The following SECISBP2 variants were observed in gnomAD, a reference collection of about 807,000 sequenced individuals.
The protein encoded by SECISBP2 is selenocysteine insertion sequence-binding protein 2.
Under a neutral mutation model 98.2 loss-of-function variants are expected in SECISBP2, and 96 were observed. The ratio of observed to expected loss-of-function variants is 0.98; its 90% CI spans 0.83 to 1.16. The LOEUF (loss-of-function observed/expected upper bound fraction) is 1.16. Among genes scored for constraint, SECISBP2 ranks in the 50% most tolerant of loss-of-function variants. SECISBP2 has a pLI of 0.00. For synonymous variants in SECISBP2, 407 were observed against 370.2 expected, an observed-to-expected ratio of 1.10 and a Z score of -1.14; for missense variants, 1,046 against 1,022.9, an observed-to-expected ratio of 1.02 and a Z score of -0.31.
At chr9:89,353,084 A>G (rs1349800302) in intron 14 of SECISBP2, among the ~76,000 whole-genome samples, 1 of 152,176 alleles carries the variant, frequency 6.6e-6, no homozygotes, top group Non-Finnish European at 1.5e-5. Flanking sequence ...GGCTGTGAGC[A>G]GCGTTGAGGG....
intron 2 of SECISBP2, among the ~76,000 whole-genome samples, chr9:89,321,055 T>C (rs1825716719): frequency 6.6e-6 from 1 of 152,256 alleles, no homozygotes; most frequent in Non-Finnish European, 1.5e-5. Flanking sequence ...TTGTATTTTT[T>C]TGACGAAAGT....
chr9:89,321,138 A>T (rs1213995611), intron 2 of SECISBP2, among the ~76,000 whole-genome samples: 2 of 152,218 alleles, frequency 1.3e-5, no homozygotes, highest in African/African-American at 4.8e-5. Flanking sequence ...TATTTCATCC[A>T]CTGTAAAGGG....
chr9:89,333,904 A>T, intron 6 of SECISBP2: 2 of 361,734 alleles, frequency 5.5e-6, no homozygotes, highest in Non-Finnish European at 7.8e-6. Context: ...GGCTGCTCTG[A>T]GGATGTGTAG....
Position 89,350,680 on chromosome 9 carries a change from C to T in SECISBP2, c.1941C>T (p.Asp647=). The change falls in exon 14 of 17, where the codon GAC becomes GAT. Residue 647 remains aspartate, a synonymous_variant. Coordinates refer to ENST00000375807, the MANE Select transcript of SECISBP2 (RefSeq NM_024077.5). ...AAGAAGTGGATGCTTGTGTTACCGACCTACTCAAAGAACTGGTCCGTTTCC... is the reference window on the plus strand; with the variant it reads ...AAGAAGTGGATGCTTGTGTTACCGATCTACTCAAAGAACTGGTCCGTTTCC... ...LSKEVDACVT[D]LLKELVRFQD... The T allele has an allele frequency of 5.0e-6, 8 of 1,614,158 alleles. No individual in the cohort carries two copies. Among genetic ancestry groups the T allele is most frequent in the Non-Finnish European group, 6.8e-6 (8 of 1,180,032 alleles).
In SECISBP2 at chr9:89,328,849, T is replaced by C. The variant is rs201068154; in HGVS notation, c.764T>C (p.Leu255Pro). The change falls in exon 5 of 17, where the codon CTA becomes CCA. Residue 255 changes from leucine to proline, a missense_variant. Coordinates refer to ENST00000375807, the MANE Select transcript of SECISBP2 (RefSeq NM_024077.5). The stretch of plus-strand genomic sequence containing the variant: ...TCTGTCTCTACCGACATTTCTCTTC[T>C]AAGAGAAGTAGTAAAACCAGCTGCA... Reference protein sequence around the residue: ...VHSVSTDISLLREVVKPAAVL... With the variant: ...VHSVSTDISLPREVVKPAAVL... 5.0e-6 allele frequency: 8 copies of C among 1,613,928 alleles called. No individual in the cohort carries two copies. In the East Asian group the frequency reaches 1.3e-4, roughly 27 times the overall value.
rs1386796182 is a variant in SECISBP2 at position 89,318,500 on chromosome 9, G to A, written c.-77G>A. 3.5e-6 allele frequency: 5 copies of A among 1,432,886 alleles called. No individual in the cohort carries two copies. The allele number at this position is 1,432,886 out of a possible 1,614,324, so 88.8% of individuals were successfully genotyped here. Reference sequence around the variant, plus strand: ...ACTTCCTGGCGTCGCCTGCGGGGGCGGAAACGCTTTGTCTGTCCGGCAAGC... The same window carrying A: ...ACTTCCTGGCGTCGCCTGCGGGGGCAGAAACGCTTTGTCTGTCCGGCAAGC... On this transcript the variant is annotated 5_prime_UTR_variant, in exon 1 of 17. Coordinates refer to ENST00000375807, the MANE Select transcript of SECISBP2 (RefSeq NM_024077.5).
Position 89,354,979 on chromosome 9 carries a change from T to C in SECISBP2, c.2114-2432T>C, listed in dbSNP as rs563296249. The C allele has an allele frequency of 2.2e-5, 22 of 985,438 alleles. No homozygotes were observed. The Admixed American group carries it at 2.5e-4, about 11-fold the overall frequency. 61.0% of individuals were successfully genotyped at this position (985,438 alleles called of 1,614,324 possible). On this transcript the variant is annotated intron_variant, in intron 14 of 16. Coordinates refer to ENST00000375807, the MANE Select transcript of SECISBP2 (RefSeq NM_024077.5). ...CCCCTTTTCCCAGCCCATCTGGAACTGGTCTTTTTCTTCAAAGTTTCTATC... is the reference window on the plus strand; with the variant it reads ...CCCCTTTTCCCAGCCCATCTGGAACCGGTCTTTTTCTTCAAAGTTTCTATC...
intron 14 of SECISBP2, chr9:89,355,621 A>G: frequency 1.1e-6 from 1 of 945,572 alleles, no homozygotes; most frequent in Non-Finnish European, 1.3e-6. Context: ...CAGAGACTTT[A>G]GGTGTTTTAT....
downstream of SECISBP2, chr9:89,362,333 G>T: frequency 1.9e-6 from 3 of 1,613,812 alleles, no homozygotes; most frequent in Non-Finnish European, 2.5e-6. Flanking sequence ...TTCTCCGGGG[G>T]TGGCTGTGGT....
In SECISBP2 at chr9:89,348,192, T is replaced by TC. The variant is rs766708408; in HGVS notation, c.1719dup (p.Glu574ArgfsTer21). ...GAGAGAGTGGTGGTGATGACCAGTT[T>TC]CCCGAGCAGGCAGAGCTGTCAGGTA... is the stretch of plus-strand genomic sequence containing the variant. On this transcript the variant is annotated frameshift_variant, in exon 12 of 17. Coordinates refer to ENST00000375807, the MANE Select transcript of SECISBP2 (RefSeq NM_024077.5). LOFTEE classifies it high-confidence loss of function. 1 of 1,614,196 alleles carries TC rather than the reference T, an allele frequency of 6.2e-7. No homozygotes were observed. Among genetic ancestry groups the TC allele is most frequent in the South Asian group, 1.1e-5 (1 of 91,082 alleles).
chr9:89,338,284 G>T (rs375583806), intron 7 of SECISBP2, among the ~76,000 whole-genome samples, 174 bp from the exon 8 acceptor site: 6 of 152,204 alleles, frequency 3.9e-5, no homozygotes, highest in African/African-American at 1.4e-4. Flanking sequence ...TTTTCCTTCA[G>T]AACTATTCTA....
downstream of SECISBP2, chr9:89,363,930 C>A (rs1246447136): frequency 4.3e-6 from 7 of 1,614,104 alleles, no homozygotes; most frequent in Non-Finnish European, 5.9e-6. Context: ...TTCTCCCAGA[C>A]AAAGCGAATG....
At chr9:89,363,117 G>C (rs1332022983), downstream of SECISBP2, among the ~76,000 whole-genome samples, 1 of 152,190 alleles carries the variant, frequency 6.6e-6, no homozygotes, top group African/African-American at 2.4e-5. Flanking sequence ...TGAGTGCTCT[G>C]TACAGAGAAT....
downstream of SECISBP2, chr9:89,363,489 C>T: frequency 1.2e-6 from 2 of 1,614,112 alleles, no homozygotes; most frequent in Non-Finnish European, 8.5e-7. Context: ...GCCCTCCAGG[C>T]AGAGAGCTCT....
intron 4 of SECISBP2, among the ~76,000 whole-genome samples, chr9:89,327,599 A>G (rs996296779): frequency 2.0e-5 from 3 of 152,264 alleles, no homozygotes; most frequent in East Asian, 3.9e-4. Context: ...AAACGAAGAC[A>G]CAACCACACA....
rs565961445 is a variant in SECISBP2, at chr9:89,348,020, A to G, written c.1603-59A>G. 77 of 1,511,424 alleles carry G rather than the reference A, an allele frequency of 5.1e-5. No individual in the cohort carries two copies. In the South Asian group the frequency reaches 8.9e-4, roughly 18 times the overall value. The allele number at this position is 1,511,424 out of a possible 1,614,324, so 93.6% of individuals were successfully genotyped here. ...GAACTTGGGCAGTTTAATTTGCAGA[A>G]GAGCTTATCTTTTAAGTACAAGTAT... On this transcript the variant is annotated intron_variant, in intron 11 of 16. Transcript: ENST00000375807.
chr9:89,334,783 G>C (rs1368482229), intron 7 of SECISBP2, 53 bp downstream of exon 7: 1 of 1,340,418 alleles, frequency 7.5e-7, no homozygotes, highest in Non-Finnish European at 1.1e-6. Context: ...GGGCTCAGTA[G>C]AGTGGGGAAT....
At chr9:89,351,465 A>T (rs1831275528) in intron 14 of SECISBP2, among the ~76,000 whole-genome samples, 3 of 152,152 alleles carry the variant, frequency 2.0e-5, no homozygotes, top group Admixed American at 6.5e-5. Context: ...CGAATTGAGC[A>T]ATAGGAGAAC....
intron 1 of SECISBP2, among the ~76,000 whole-genome samples, chr9:89,319,348 G>A (rs1043633166): frequency 6.6e-6 from 1 of 152,166 alleles, no homozygotes; most frequent in African/African-American, 2.4e-5. Flanking sequence ...TTATTTCTAA[G>A]TGAATCTGTG....
Sources: gnomAD v4.1 joint callset for allele counts (sites outside exome capture counted in the v4.1 genomes callset) on GRCh38, gnomAD v4.1.1 for gene constraint, MANE v1.5 for transcripts, NCBI Gene and HGNC (gene_info 2026-07-23, HGNC 2026-07-21) for gene names.